The following PTAR1 variants were observed in gnomAD, a reference collection of about 807,000 sequenced individuals.
PTAR1 encodes protein prenyltransferase alpha subunit repeat containing 1.
A neutral mutation model predicts 45.5 loss-of-function variants in PTAR1; 17 were observed. The observed-to-expected ratio is 0.37, with a 90% CI of 0.26 to 0.56. The LOEUF is 0.56. Among genes scored for constraint, PTAR1 ranks in the 20% least tolerant of loss-of-function variants. PTAR1 has a pLI of 0.77. For synonymous variants in PTAR1, 169 were observed against 171.3 expected (o/e 0.99, Z 0.11); for missense variants, 391 against 476.3 (o/e 0.82, Z 1.67).
At position 69,738,723 on chromosome 9, in the gene PTAR1, T is replaced by C. The variant is rs562053547; in HGVS notation, c.323+3069A>G. 2.6e-5 allele frequency among the ~76,000 whole-genome samples: 4 copies of C among 152,202 alleles called. No individual in the cohort carries two copies. In the South Asian group the frequency reaches 6.2e-4, roughly 24 times the overall value. On this transcript the variant is annotated intron_variant, in intron 3 of 7. Coordinates refer to ENST00000340434, the MANE Select transcript of PTAR1 (RefSeq NM_001099666.2). ...CTAGAATCAGCCATTTCTAACATCA[T>C]TAAAGAATGGTATTAGAAACCACAA...
In PTAR1 at chr9:69,716,927, G is replaced by T. The variant is rs1286238203; in HGVS notation, c.*1415C>A. 1 of 152,092 alleles carries T rather than the reference G, an allele frequency of 6.6e-6. No homozygotes were observed. Among genetic ancestry groups the T allele is most frequent in the African/African-American group, 2.4e-5 (1 of 41,424 alleles). The allele number at this position is 152,092 out of a possible 1,614,324, so 9.4% of individuals were successfully genotyped here. A position where few individuals can be genotyped will look rare whatever the true frequency, so the allele number is the denominator to read the frequency against. The stretch of plus-strand genomic sequence containing the variant: ...GACACACAAAAGTGACAAAAAATAC[G>T]TAATGGATTGGCAAAACAAAGTATA... On this transcript the variant is annotated 3_prime_UTR_variant, in exon 8 of 8. Coordinates refer to ENST00000340434, the MANE Select transcript of PTAR1 (RefSeq NM_001099666.2).
In PTAR1 at chr9:69,713,802, C is replaced by T. The variant is rs1224568886; in HGVS notation, c.*4540G>A. The T allele has an allele frequency of 6.6e-6, 1 of 152,030 alleles. No homozygotes were observed. The highest frequency in any genetic ancestry group is 1.5e-5 in the Non-Finnish European group (1 of 67,986). The allele number at this position is 152,030 out of a possible 1,614,324, so 9.4% of individuals were successfully genotyped here. ...GAAAGAACTAAATCTTGGTAGGGTG[C>T]TTAAAATGATAACTAATGGAATAAT... On this transcript the variant is annotated 3_prime_UTR_variant, in exon 8 of 8. Transcript: ENST00000340434.
rs1194228527 is a variant in PTAR1 at position 69,723,501 on chromosome 9, T to C, written c.772A>G (p.Met258Val). 1.9e-6 allele frequency: 3 copies of C among 1,613,910 alleles called. No individual in the cohort carries two copies. Among genetic ancestry groups the C allele is most frequent in the Middle Eastern group, 1.6e-4 (1 of 6,062 alleles). ...ISQTVIDSSV[M>V]EQNPLRSEPA... ...TCACTTCTCAAAGGATTTTGCTCCATCACAGAACTGTCTATCACAGTTTGG... is the reference window on the plus strand; with the variant it reads ...TCACTTCTCAAAGGATTTTGCTCCACCACAGAACTGTCTATCACAGTTTGG... The change falls in exon 6 of 8, where the codon ATG (methionine) becomes GTG (valine). Residue 258 changes from methionine (M) to valine (V), a missense_variant. Met to Val is a conservative substitution (Grantham distance 21). Coordinates refer to ENST00000340434, the MANE Select transcript of PTAR1 (RefSeq NM_001099666.2).
chr9:69,711,355 TG>T lies in PTAR1; in HGVS notation c.*6986del, dbSNP rs1276026670. The T allele has an allele frequency of 6.6e-6, 1 of 152,206 alleles. No homozygotes were observed. Among genetic ancestry groups the T allele is most frequent in the Non-Finnish European group, 1.5e-5 (1 of 68,030 alleles). The allele number at this position is 152,206 out of a possible 1,614,324, so 9.4% of individuals were successfully genotyped here. A position where few individuals can be genotyped will look rare whatever the true frequency, so the allele number is the denominator to read the frequency against. On this transcript the variant is annotated 3_prime_UTR_variant, in exon 8 of 8. Coordinates refer to ENST00000340434, the MANE Select transcript of PTAR1 (RefSeq NM_001099666.2). Reference sequence around the variant, plus strand: ...CACAGTTCAGGTAGGAATGTTTATTTGTGTTTTATAAAACTGTTTAATCTTT... The same window carrying T: ...CACAGTTCAGGTAGGAATGTTTATTTTGTTTTATAAAACTGTTTAATCTTT...
intron 1 of PTAR1, chr9:69,756,976 C>G (rs1346549250): frequency 6.6e-6 from 1 of 151,804 alleles, no homozygotes; most frequent in African/African-American, 2.4e-5. Context: ...TGCTCAATAG[C>G]TACTATGGCT....
chr9:69,733,196 T>C lies in PTAR1; in HGVS notation c.429-844A>G, dbSNP rs76317553. Among the ~76,000 whole-genome samples the C allele has an allele frequency of 8.6e-3, 1,311 of 152,250 alleles. 20 individuals are homozygous for C. Among genetic ancestry groups the C allele is most frequent in the African/African-American group, 0.03 (1,238 of 41,546 alleles). On this transcript the variant is annotated intron_variant, in intron 4 of 7. Coordinates refer to ENST00000340434, the MANE Select transcript of PTAR1 (RefSeq NM_001099666.2). The stretch of plus-strand genomic sequence containing the variant: ...TGATGGATGCATATTTAACAGTTCC[T>C]TTCCCCTGCCACCATCCCTTTCCAA...
intron 3 of PTAR1, among the ~76,000 whole-genome samples, chr9:69,738,809 AT>A (rs34148439): frequency 0.37 from 49,973 of 136,750 alleles, 8,118 homozygotes; most frequent in East Asian, 0.46. Context: ...TAACACCTCA[AT>A]TTTTTTTTTT....
At chr9:69,722,845 A>G (rs1437063554) in intron 6 of PTAR1, among the ~76,000 whole-genome samples, 1 of 150,958 alleles carries the variant, frequency 6.6e-6, no homozygotes, top group Non-Finnish European at 1.5e-5. Flanking sequence ...AGGCTGAGGC[A>G]GGAGAATTGC....
At chr9:69,754,345 A>G (rs1826665293) in intron 1 of PTAR1, among the ~76,000 whole-genome samples, 1 of 152,100 alleles carries the variant, frequency 6.6e-6, no homozygotes, top group African/African-American at 2.4e-5. Flanking sequence ...CTTAGCCCCA[A>G]ACCCCTGACA....
At chr9:69,743,873 T>C (rs1024533615) in intron 2 of PTAR1, among the ~76,000 whole-genome samples, 1 of 152,024 alleles carries the variant, frequency 6.6e-6, no homozygotes, top group Non-Finnish European at 1.5e-5. Flanking sequence ...TAAGGCAAAA[T>C]AATTATGAAG....
chr9:69,718,747 GA>G (rs906529252), intron 6 of PTAR1, 63 bp from the exon 7 acceptor site: 24 of 1,347,662 alleles, frequency 1.8e-5, no homozygotes, highest in Admixed American at 1.1e-4. Context: ...AGCTTTTCCA[GA>G]AAAAAAAGTT....
At chr9:69,754,908 T>C (rs1339784394) in intron 1 of PTAR1, among the ~76,000 whole-genome samples, 4 of 151,242 alleles carry the variant, frequency 2.6e-5, no homozygotes, top group Admixed American at 2.6e-4. Flanking sequence ...ATATTGAACA[T>C]ATTCTATAAT....
At chr9:69,747,131 T>TA (rs538632957) in intron 2 of PTAR1, among the ~76,000 whole-genome samples, 94 of 152,334 alleles carry the variant, frequency 6.2e-4, no homozygotes, top group Non-Finnish European at 1.1e-3. Context: ...GTTGAACATG[T>TA]AAAGGTTCTG....
chr9:69,743,157 A>G (rs1352075433), intron 2 of PTAR1, among the ~76,000 whole-genome samples: 1 of 152,120 alleles, frequency 6.6e-6, no homozygotes, highest in Non-Finnish European at 1.5e-5. Flanking sequence ...ATTTCACTAA[A>G]TTCTCATAAT....
chr9:69,727,737 T>G (rs1177214515), intron 5 of PTAR1, among the ~76,000 whole-genome samples: 1 of 152,208 alleles, frequency 6.6e-6, no homozygotes, highest in Non-Finnish European at 1.5e-5. Flanking sequence ...CTCTGTCTTA[T>G]TAATAAACAT....
intron 6 of PTAR1, among the ~76,000 whole-genome samples, chr9:69,722,564 T>C (rs1353420309): frequency 1.3e-5 from 2 of 151,916 alleles, no homozygotes; most frequent in Admixed American, 6.6e-5. Flanking sequence ...GGAAAAATGA[T>C]AAAGCATACC....
At chr9:69,722,538 G>A (rs1351574567) in intron 6 of PTAR1, among the ~76,000 whole-genome samples, 1 of 152,028 alleles carries the variant, frequency 6.6e-6, no homozygotes, top group Non-Finnish European at 1.5e-5. Context: ...AAGTTAATTT[G>A]CAGACCATCA....
rs1824590826 is a variant in PTAR1 at position 69,713,153 on chromosome 9, TG to T, written c.*5188del. The T allele has an allele frequency of 6.6e-6, 1 of 152,104 alleles. No homozygotes were observed. Among genetic ancestry groups the T allele is most frequent in the South Asian group, 2.1e-4 (1 of 4,830 alleles). 9.4% of individuals were successfully genotyped at this position (152,104 alleles called of 1,614,324 possible). On this transcript the variant is annotated 3_prime_UTR_variant, in exon 8 of 8. Coordinates refer to ENST00000340434, the MANE Select transcript of PTAR1 (RefSeq NM_001099666.2). ...ACAAATTATATATAGCTAATATTCT[TG>T]GAAGCACAAGGTTTCATCAGCAGAC...
chr9:69,753,252 T>G (rs1826612981), intron 1 of PTAR1, among the ~76,000 whole-genome samples: 1 of 152,072 alleles, frequency 6.6e-6, no homozygotes, highest in African/African-American at 2.4e-5. Context: ...AAAAGAGCCA[T>G]CTGCACAATT....
Sources: allele counts gnomAD v4.1 joint callset (sites outside exome capture counted in the v4.1 genomes callset), GRCh38; gene constraint gnomAD v4.1.1; transcripts MANE v1.5; gene names NCBI Gene and HGNC (gene_info 2026-07-23, HGNC 2026-07-21).